Variants in CCSER1 observed in about 807,000 individuals in gnomAD.
CCSER1 encodes serine-rich coiled-coil domain-containing protein 1.
Under a neutral mutation model 82.0 loss-of-function variants are expected in CCSER1, and 41 were observed. The ratio of observed to expected loss-of-function variants is 0.50; its 90% CI spans 0.39 to 0.65. The LOEUF (loss-of-function observed/expected upper bound fraction) is 0.65, where lower values mean the gene tolerates loss of function less well. CCSER1 is among the 30% of genes least tolerant of loss of function. The pLI is 0.00. For synonymous variants in CCSER1, 414 were observed against 383.9 expected (o/e 1.08, Z -0.92); for missense variants, 1,119 against 1,064.2 (o/e 1.05, Z -0.72).
At chr4:90,644,281 A>G (rs1668560768) in intron 6 of CCSER1, among the ~76,000 whole-genome samples, 1 of 152,186 alleles carries the variant, frequency 6.6e-6, no homozygotes, top group South Asian at 2.1e-4. Flanking sequence ...ATACATCCTA[A>G]GCACACAACC....
intron 10 of CCSER1, among the ~76,000 whole-genome samples, chr4:91,503,680 G>A (rs1170883210): frequency 6.6e-6 from 1 of 152,050 alleles, no homozygotes; most frequent in African/African-American, 2.4e-5. Flanking sequence ...AATCAAACAT[G>A]TTTACTCTTA....
chr4:90,883,706 T>A (rs1199611870), intron 8 of CCSER1, among the ~76,000 whole-genome samples: 2 of 152,184 alleles, frequency 1.3e-5, no homozygotes, highest in African/African-American at 4.8e-5. Flanking sequence ...GAGCCTTCTG[T>A]CATTCTGTCA....
intron 3 of CCSER1, among the ~76,000 whole-genome samples, chr4:90,333,796 A>G (rs978295449): frequency 5.3e-5 from 8 of 152,254 alleles, no homozygotes; most frequent in Admixed American, 3.9e-4. Context: ...GGATATTTAT[A>G]GCAATTTGAT....
chr4:91,155,034 TA>T (rs35463054), intron 10 of CCSER1, among the ~76,000 whole-genome samples: 86 of 149,462 alleles, frequency 5.8e-4, no homozygotes, highest in Middle Eastern at 3.4e-3. Context: ...TTTCTGGCCT[TA>T]AAAAAAAAAA....
intron 4 of CCSER1, among the ~76,000 whole-genome samples, chr4:90,405,465 C>T (rs1753576654): frequency 6.6e-6 from 1 of 152,120 alleles, no homozygotes; most frequent in Non-Finnish European, 1.5e-5. Flanking sequence ...AAAACTTCCC[C>T]AGCCTTGTTA....
chr4:90,587,950 CA>C (rs1782216164), intron 5 of CCSER1, among the ~76,000 whole-genome samples: 1 of 152,132 alleles, frequency 6.6e-6, no homozygotes, highest in Non-Finnish European at 1.5e-5. Context: ...TTGGGTTTCC[CA>C]GTTCTTATAA....
intron 9 of CCSER1, among the ~76,000 whole-genome samples, chr4:90,978,008 G>GT (rs1188190552): frequency 1.3e-5 from 2 of 151,572 alleles, no homozygotes; most frequent in African/African-American, 4.8e-5. Context: ...TATATTAGGG[G>GT]TTTCTGATAT....
chr4:91,004,286 C>T (rs1287731833), intron 9 of CCSER1, among the ~76,000 whole-genome samples: 5 of 152,140 alleles, frequency 3.3e-5, no homozygotes, highest in East Asian at 1.9e-4. Flanking sequence ...AATGGAAAGA[C>T]GATGGGCCAG....
chr4:91,266,250 G>A (rs1741565814), intron 10 of CCSER1, among the ~76,000 whole-genome samples: 1 of 150,918 alleles, frequency 6.6e-6, no homozygotes, highest in Non-Finnish European at 1.5e-5. Flanking sequence ...TTGTTTGTTG[G>A]TTTGTTTTGT....
In CCSER1 at chr4:90,128,087, T is replaced by G. The variant is rs537971638; in HGVS notation, c.-42+256T>G. ...CCCAGTGCGCCGCGTGGCCATTTCC[T>G]CCACGCTGCTGCGTGGTTTGCTGCC... On this transcript the variant is annotated intron_variant, in intron 1 of 10. Transcript: ENST00000509176. Among the ~76,000 whole-genome samples the G allele has an allele frequency of 2.0e-3, 305 of 152,176 alleles. 1 individual carries two copies. Among genetic ancestry groups the G allele is most frequent in the African/African-American group, 6.7e-3 (278 of 41,532 alleles).
At chr4:90,135,473 A>G (rs535493885) in intron 1 of CCSER1, among the ~76,000 whole-genome samples, 12 of 152,168 alleles carry the variant, frequency 7.9e-5, no homozygotes, top group Admixed American at 1.3e-4. Flanking sequence ...CAGAAAACAC[A>G]ACACTTTCCT....
intron 9 of CCSER1, among the ~76,000 whole-genome samples, chr4:90,963,075 G>A (rs1022848168): frequency 6.6e-6 from 1 of 151,988 alleles, no homozygotes; most frequent in Non-Finnish European, 1.5e-5. Context: ...AATTGTTCAG[G>A]TTTCTTTTTA....
chr4:90,644,736 G>C (rs764808217), intron 6 of CCSER1, among the ~76,000 whole-genome samples: 3 of 151,776 alleles, frequency 2.0e-5, no homozygotes, highest in Non-Finnish European at 2.9e-5. Context: ...TTCTGTGCCT[G>C]CATAAGTTTG....
intron 9 of CCSER1, among the ~76,000 whole-genome samples, chr4:91,054,795 A>G (rs58402596): frequency 0.068 from 10,282 of 152,132 alleles, 1,038 homozygotes; most frequent in African/African-American, 0.22. Context: ...GAAATCTAAA[A>G]TTTGAATGCT....
At chr4:91,144,236 C>G (rs750405345) in intron 10 of CCSER1, among the ~76,000 whole-genome samples, 11 of 151,502 alleles carry the variant, frequency 7.3e-5, no homozygotes, top group Non-Finnish European at 1.5e-4. Context: ...TCTAGATTTT[C>G]TAGTTGATGT....
At chr4:90,636,066 G>T (rs564277777) in intron 6 of CCSER1, among the ~76,000 whole-genome samples, 52 of 151,790 alleles carry the variant, frequency 3.4e-4, no homozygotes, top group African/African-American at 1.1e-3. Flanking sequence ...AAAGATTATA[G>T]AAAAATTAAG....
intron 3 of CCSER1, among the ~76,000 whole-genome samples, chr4:90,350,637 CAA>C (rs2153511611): frequency 6.6e-6 from 1 of 151,988 alleles, no homozygotes; most frequent in Admixed American, 6.5e-5. Flanking sequence ...TATATTCAAA[CAA>C]AAAGTATTTG....
chr4:91,599,142 T>C lies in CCSER1; in HGVS notation c.*85T>C. ...AGTTCATATTAAAATTGTCATGTAC[T>C]TTTTCTTACATTTTAGTTATAAACA... On this transcript the variant is annotated 3_prime_UTR_variant, in exon 11 of 11. Coordinates refer to ENST00000509176, the MANE Select transcript of CCSER1 (RefSeq NM_001145065.2). The C allele has an allele frequency of 7.3e-7, 1 of 1,377,772 alleles. No homozygotes were observed. Among genetic ancestry groups the C allele is most frequent in the Non-Finnish European group, 9.6e-7 (1 of 1,045,392 alleles). The allele number at this position is 1,377,772 out of a possible 1,614,324, so 85.3% of individuals were successfully genotyped here. A position where few individuals can be genotyped will look rare whatever the true frequency, so the allele number is the denominator to read the frequency against.
chr4:91,556,584 ACTAT>A lies in CCSER1; in HGVS notation c.2218-41984_2218-41981del, dbSNP rs1762416522. ...AAAGGCAAAAAAATGAGTGTTCAAA[ACTAT>A]CTAGACAGATTATAAATTAATAATT... is the stretch of plus-strand genomic sequence containing the variant. On this transcript the variant is annotated intron_variant, in intron 10 of 10. Transcript: ENST00000509176. 4.0e-5 allele frequency among the ~76,000 whole-genome samples: 6 copies of A among 151,108 alleles called. No homozygotes were observed. The South Asian group carries it at 1.2e-3, about 31-fold the overall frequency.
Sources: gnomAD v4.1 joint callset for allele counts (sites outside exome capture counted in the v4.1 genomes callset) on GRCh38, gnomAD v4.1.1 for gene constraint, MANE v1.5 for transcripts, NCBI Gene and HGNC (gene_info 2026-07-23, HGNC 2026-07-21) for gene names.